DISP1: variants seen among roughly 807,000 people sequenced by gnomAD.
The protein encoded by DISP1 is dispatched RND transporter family member 1.
Under a neutral mutation model 37.3 loss-of-function variants are expected in DISP1, and 30 were observed. That is an observed-to-expected ratio of 0.80 (90% CI 0.60 to 1.09). DISP1 has a LOEUF of 1.09. Ranked by LOEUF, DISP1 falls within the 50% of genes least tolerant of loss-of-function variation. The probability of loss-of-function intolerance (pLI) is 0.00; values close to 1 mark genes in which losing one functional copy is unlikely to be tolerated. For synonymous variants in DISP1, 634 were observed against 690.2 expected (o/e 0.92, Z 1.28); for missense variants, 1,598 against 1,879.5 (o/e 0.85, Z 2.77).
rs570830985 is a variant in DISP1 at position 222,817,357 on chromosome 1, A to G, written c.-159+2279A>G. 3.3e-5 allele frequency among the ~76,000 whole-genome samples: 5 copies of G among 152,360 alleles called. No homozygotes were observed. In the South Asian group the frequency reaches 8.3e-4, roughly 25 times the overall value. ...TAGTGATAACCAAAACACTGTCTTC[A>G]TATACACATACATTTGTCTTCCTTA... On this transcript the variant is annotated intron_variant, in intron 1 of 8. Coordinates refer to ENST00000675850, the MANE Select transcript of DISP1 (RefSeq NM_001377229.1).
At chr1:222,826,272 G>T (rs528326062) in intron 1 of DISP1, among the ~76,000 whole-genome samples, 6 of 151,472 alleles carry the variant, frequency 4.0e-5, no homozygotes, top group Non-Finnish European at 7.4e-5. Context: ...CAGCAGCAGT[G>T]TAGTGTAGAA....
At chr1:222,835,955 CA>C (rs1275754600) in intron 1 of DISP1, among the ~76,000 whole-genome samples, 12,533 of 116,954 alleles carry the variant, frequency 0.11, 476 homozygotes, top group Middle Eastern at 0.13. Context: ...ACTCTTGTCT[CA>C]AAAAAAAAAA....
At chr1:222,845,621 A>AT (rs1205382469) in intron 1 of DISP1, among the ~76,000 whole-genome samples, 2 of 152,164 alleles carry the variant, frequency 1.3e-5, no homozygotes, top group Non-Finnish European at 1.5e-5. Context: ...TTTTTGAACA[A>AT]TATGTTTAGG....
chr1:222,957,268 A>C (rs544375052), intron 3 of DISP1, among the ~76,000 whole-genome samples: 1 of 152,136 alleles, frequency 6.6e-6, no homozygotes, highest in Non-Finnish European at 1.5e-5. Context: ...TCCCCCTGAT[A>C]AGTGGCAGAG....
intron 2 of DISP1, among the ~76,000 whole-genome samples, chr1:222,931,678 C>G (rs1300030128): frequency 1.6e-4 from 15 of 92,854 alleles, no homozygotes; most frequent in African/African-American, 6.4e-4. Context: ...AAAATGCCAC[C>G]AGGAATCTTT....
intron 4 of DISP1, among the ~76,000 whole-genome samples, chr1:222,987,691 G>T (rs1678379037): frequency 6.6e-6 from 1 of 152,168 alleles, no homozygotes; most frequent in South Asian, 2.1e-4. Context: ...TTAAACCACA[G>T]TATGAATACT....
At chr1:222,955,093 C>CTTT (rs4011733) in intron 3 of DISP1, among the ~76,000 whole-genome samples, 42 of 144,360 alleles carry the variant, frequency 2.9e-4, no homozygotes, top group South Asian at 1.5e-3. Context: ...CATTTTAAAG[C>CTTT]TTTTTTTTTT....
chr1:222,966,823 C>T (rs1676529371), intron 3 of DISP1, among the ~76,000 whole-genome samples: 1 of 152,148 alleles, frequency 6.6e-6, no homozygotes, highest in South Asian at 2.1e-4. Context: ...TGAGTGAAAT[C>T]AGAATGGTTT....
intron 1 of DISP1, among the ~76,000 whole-genome samples, chr1:222,876,266 G>A (rs1426405824): frequency 1.3e-5 from 2 of 152,124 alleles, no homozygotes. Flanking sequence ...TCATGGTGGA[G>A]GAAAAGGAAA....
chr1:222,878,157 T>G (rs1670071041), intron 1 of DISP1, among the ~76,000 whole-genome samples: 1 of 152,226 alleles, frequency 6.6e-6, no homozygotes, highest in Non-Finnish European at 1.5e-5. Flanking sequence ...GGAAACAGCT[T>G]TAAACAATGA....
intron 1 of DISP1, among the ~76,000 whole-genome samples, chr1:222,824,672 T>C (rs1276899984): frequency 3.9e-5 from 6 of 152,182 alleles, no homozygotes; most frequent in Non-Finnish European, 7.4e-5. Context: ...TAGTTGAAAG[T>C]AGCAGATACT....
chr1:222,959,401 CT>C (rs1675858135), intron 3 of DISP1, among the ~76,000 whole-genome samples: 2 of 152,028 alleles, frequency 1.3e-5, no homozygotes, highest in African/African-American at 4.8e-5. Flanking sequence ...AGAAACTAAG[CT>C]TTGCAAAATT....
At chr1:222,913,918 CT>C (rs1215009786) in intron 1 of DISP1, among the ~76,000 whole-genome samples, 1 of 145,352 alleles carries the variant, frequency 6.9e-6, no homozygotes, top group African/African-American at 2.5e-5. Flanking sequence ...AATAGCTCAT[CT>C]TTTTCAAATA....
At chr1:222,923,079 A>G (rs1380842866) in intron 1 of DISP1, among the ~76,000 whole-genome samples, 1 of 152,202 alleles carries the variant, frequency 6.6e-6, no homozygotes, top group African/African-American at 2.4e-5. Context: ...AAAGGAAAAG[A>G]TAGGTAAGTA....
chr1:222,931,411 TC>T (rs1291987337), intron 2 of DISP1, among the ~76,000 whole-genome samples: 1 of 151,954 alleles, frequency 6.6e-6, no homozygotes, highest in Non-Finnish European at 1.5e-5. Context: ...GGTAATATGA[TC>T]CTGTTTCTAC....
chr1:222,894,533 C>T (rs1422468375), intron 1 of DISP1, among the ~76,000 whole-genome samples: 2 of 152,230 alleles, frequency 1.3e-5, no homozygotes, highest in Non-Finnish European at 2.9e-5. Context: ...CAAATCAGAG[C>T]GAGTGCTGGG....
chr1:222,991,516 T>G lies in DISP1; in HGVS notation c.664-4T>G. ...ACTAATGAGCACCTGTAATTTTGCCTTAGGGTTTTGAACCAAGAGGAACAG... is the reference window on the plus strand; with the variant it reads ...ACTAATGAGCACCTGTAATTTTGCCGTAGGGTTTTGAACCAAGAGGAACAG... On this transcript the variant is annotated splice_region_variant and splice_polypyrimidine_tract_variant and intron_variant, in intron 5 of 8. Transcript: ENST00000675850. The G allele has an allele frequency of 1.2e-6, 2 of 1,613,776 alleles. No individual in the cohort carries two copies. The highest frequency in any genetic ancestry group is 2.2e-5 in the East Asian group (1 of 44,796).
intron 1 of DISP1, among the ~76,000 whole-genome samples, chr1:222,847,154 C>T (rs1220131834): frequency 6.6e-6 from 1 of 152,156 alleles, no homozygotes; most frequent in Non-Finnish European, 1.5e-5. Flanking sequence ...TTTTGATGCT[C>T]ATATTATCCC....
At chr1:222,869,517 T>TTG (rs1386217993) in intron 1 of DISP1, among the ~76,000 whole-genome samples, 7 of 152,164 alleles carry the variant, frequency 4.6e-5, no homozygotes, top group African/African-American at 1.7e-4. Context: ...TATCTTTAGT[T>TTG]TGTAACCAAG....
Sources: allele counts gnomAD v4.1 joint callset (sites outside exome capture counted in the v4.1 genomes callset), GRCh38; gene constraint gnomAD v4.1.1; transcripts MANE v1.5; gene names NCBI Gene and HGNC (gene_info 2026-07-23, HGNC 2026-07-21).